Variants in MAGI2 observed in about 807,000 individuals in gnomAD.
The protein encoded by MAGI2 is membrane associated guanylate kinase, WW and PDZ domain containing 2.
Under a neutral mutation model 133.3 loss-of-function variants are expected in MAGI2, and 35 were observed. The observed-to-expected ratio is 0.26, with a 90% CI of 0.20 to 0.35. The LOEUF is 0.35. Among genes scored for constraint, MAGI2 ranks in the 10% least tolerant of loss-of-function variants. The probability of loss-of-function intolerance (pLI) is 1.00; values close to 1 mark genes in which losing one functional copy is unlikely to be tolerated. For synonymous variants in MAGI2, 729 were observed against 710.6 expected (o/e 1.03, Z -0.41); for missense variants, 1,636 against 1,863.4 (o/e 0.88, Z 2.25).
At chr7:78,779,912 C>T (rs1826265325) in intron 2 of MAGI2, among the ~76,000 whole-genome samples, 1 of 152,142 alleles carries the variant, frequency 6.6e-6, no homozygotes. Flanking sequence ...GGTCAAAGAG[C>T]CAAAGGGACA....
chr7:78,875,115 G>C (rs145359938), intron 2 of MAGI2, among the ~76,000 whole-genome samples: 2,106 of 152,282 alleles, frequency 0.014, 24 homozygotes, highest in Non-Finnish European at 0.021. Context: ...TATGAACTCT[G>C]TCCATATCCC....
chr7:79,435,128 C>A (rs1848050564), intron 1 of MAGI2, among the ~76,000 whole-genome samples: 1 of 152,156 alleles, frequency 6.6e-6, no homozygotes, highest in African/African-American at 2.4e-5. Context: ...GCTTTCAGAA[C>A]TGTATGAGCA....
intron 1 of MAGI2, among the ~76,000 whole-genome samples, chr7:79,375,965 T>C (rs1273977947): frequency 6.6e-6 from 1 of 151,930 alleles, no homozygotes; most frequent in Non-Finnish European, 1.5e-5. Flanking sequence ...GTATTGTTGG[T>C]TTAATTTTTT....
intron 16 of MAGI2, among the ~76,000 whole-genome samples, chr7:78,154,612 C>T (rs1440703490): frequency 6.6e-6 from 1 of 152,132 alleles, no homozygotes; most frequent in African/African-American, 2.4e-5. Flanking sequence ...TGTCAACCTC[C>T]ACCACCGATA....
chr7:78,878,159 T>A lies in MAGI2; in HGVS notation c.418+128931A>T, dbSNP rs80224713. Among the ~76,000 whole-genome samples the A allele has an allele frequency of 0.012, 1,793 of 152,320 alleles. 92 individuals are homozygous for A. In the East Asian group the frequency reaches 0.19, roughly 16 times the overall value. On this transcript the variant is annotated intron_variant, in intron 2 of 21. Coordinates refer to ENST00000354212, the MANE Select transcript of MAGI2 (RefSeq NM_012301.4). The stretch of plus-strand genomic sequence containing the variant: ...CCACATTACATCTGTTACAGATAAG[T>A]AATCAATATATGTTTATTTTTGCTT...
chr7:79,038,675 A>C (rs1361238463), intron 1 of MAGI2, among the ~76,000 whole-genome samples: 1 of 152,220 alleles, frequency 6.6e-6, no homozygotes, highest in Non-Finnish European at 1.5e-5. Flanking sequence ...ACAGCTATAT[A>C]GTATGTCACT....
At chr7:78,666,599 C>G (rs1813617374) in intron 2 of MAGI2, among the ~76,000 whole-genome samples, 1 of 152,168 alleles carries the variant, frequency 6.6e-6, no homozygotes, top group African/African-American at 2.4e-5. Flanking sequence ...GGCAAAAGCT[C>G]TCATCTTCAG....
Position 78,125,893 on chromosome 7 carries a change from C to T in MAGI2, c.3424-56G>A. 1.9e-6 allele frequency: 3 copies of T among 1,541,452 alleles called. 1 individual carries two copies. In the South Asian group the frequency reaches 3.4e-5, roughly 18 times the overall value. On this transcript the variant is annotated intron_variant, in intron 19 of 21. Transcript: ENST00000354212. ...AATTATTTAGTTATCAGAGAAGCTTCTGTGGCTAGTCTCTGTGTTCTCCTT... is the reference window on the plus strand; with the variant it reads ...AATTATTTAGTTATCAGAGAAGCTTTTGTGGCTAGTCTCTGTGTTCTCCTT...
intron 9 of MAGI2, among the ~76,000 whole-genome samples, chr7:78,284,757 G>GAATC (rs1319743665): frequency 3.3e-5 from 5 of 152,062 alleles, no homozygotes; most frequent in African/African-American, 1.2e-4. Context: ...AATGGGAGCA[G>GAATC]AATCAGCCGC....
chr7:79,215,586 C>A (rs1368890649), intron 1 of MAGI2, among the ~76,000 whole-genome samples: 8 of 151,916 alleles, frequency 5.3e-5, no homozygotes, highest in Admixed American at 5.2e-4. Flanking sequence ...CTCTTTTGAC[C>A]AATTCCCAAT....
chr7:78,535,519 T>A (rs531001909), intron 3 of MAGI2, among the ~76,000 whole-genome samples: 19 of 152,228 alleles, frequency 1.2e-4, no homozygotes, highest in African/African-American at 4.6e-4. Context: ...TTGTAAAAAT[T>A]ATAACTGAGG....
chr7:78,650,156 G>A (rs2151011364), intron 2 of MAGI2, among the ~76,000 whole-genome samples: 1 of 152,248 alleles, frequency 6.6e-6, no homozygotes, highest in South Asian at 2.1e-4. Flanking sequence ...TCAGGGGTTT[G>A]GAATTTGGTC....
intron 10 of MAGI2, among the ~76,000 whole-genome samples, chr7:78,241,921 G>C (rs1346405009): frequency 6.6e-6 from 1 of 150,408 alleles, no homozygotes; most frequent in South Asian, 2.1e-4. Context: ...ACGACAGAGC[G>C]AGAACCCGTC....
At chr7:78,855,708 T>A (rs1363683510) in intron 2 of MAGI2, among the ~76,000 whole-genome samples, 1 of 152,230 alleles carries the variant, frequency 6.6e-6, no homozygotes, top group African/African-American at 2.4e-5. Flanking sequence ...AGTGCCGCAA[T>A]AAACATACAT....
At chr7:78,286,542 A>T (rs1796158443) in intron 9 of MAGI2, among the ~76,000 whole-genome samples, 1 of 152,158 alleles carries the variant, frequency 6.6e-6, no homozygotes, top group African/African-American at 2.4e-5. Context: ...AGCAAGAGGC[A>T]TTCCTTCTAT....
intron 6 of MAGI2, among the ~76,000 whole-genome samples, chr7:78,412,750 A>G (rs1039945030): frequency 6.6e-6 from 1 of 152,088 alleles, no homozygotes; most frequent in Non-Finnish European, 1.5e-5. Flanking sequence ...ATTTGAGAAC[A>G]GTTTGTTACC....
intron 14 of MAGI2, among the ~76,000 whole-genome samples, chr7:78,168,494 A>T (rs1455127649): frequency 6.6e-6 from 1 of 152,158 alleles, no homozygotes; most frequent in East Asian, 1.9e-4. Context: ...AATGACGAAT[A>T]CCCTTAAGGA....
At chr7:79,438,698 TACTC>T (rs1227029519) in intron 1 of MAGI2, among the ~76,000 whole-genome samples, 4 of 152,038 alleles carry the variant, frequency 2.6e-5, no homozygotes, top group Non-Finnish European at 4.4e-5. Context: ...TATAAGTTCT[TACTC>T]ACACCATTCT....
chr7:78,498,650 C>T (rs1794344209), intron 5 of MAGI2, among the ~76,000 whole-genome samples: 1 of 152,152 alleles, frequency 6.6e-6, no homozygotes, highest in Non-Finnish European at 1.5e-5. Context: ...GACAAAAAGA[C>T]GCTGATCCAC....
Sources: gnomAD v4.1 joint callset for allele counts (sites outside exome capture counted in the v4.1 genomes callset) on GRCh38, gnomAD v4.1.1 for gene constraint, MANE v1.5 for transcripts, NCBI Gene and HGNC (gene_info 2026-07-23, HGNC 2026-07-21) for gene names.